Variants in TRIM2 observed in about 807,000 individuals in gnomAD.
TRIM2 encodes tripartite motif-containing protein 2.
A neutral mutation model predicts 75.2 loss-of-function variants in TRIM2; 20 were observed. That is an observed-to-expected ratio of 0.27 (90% CI 0.19 to 0.39). TRIM2 has a LOEUF of 0.39. Among genes scored for constraint, TRIM2 ranks in the 10% least tolerant of loss-of-function variants. The probability of loss-of-function intolerance (pLI) is 1.00; values close to 1 mark genes in which losing one functional copy is unlikely to be tolerated. For synonymous variants in TRIM2, 373 were observed against 388.3 expected, an observed-to-expected ratio of 0.96 and a Z score of 0.46; for missense variants, 660 against 990.8, an observed-to-expected ratio of 0.67 and a Z score of 4.48.
chr4:153,199,883 C>T (rs561361528), upstream of TRIM2, among the ~76,000 whole-genome samples: 1 of 152,132 alleles, frequency 6.6e-6, no homozygotes, highest in East Asian at 1.9e-4. Context: ...AAGTGATCCT[C>T]CCGCCTCAGC....
chr4:153,196,341 G>A (rs987637379), intron 1 of TRIM2, among the ~76,000 whole-genome samples: 3 of 152,076 alleles, frequency 2.0e-5, no homozygotes, highest in Non-Finnish European at 4.4e-5. Context: ...GGAAGTTGAG[G>A]CGGGAGGATT....
At chr4:153,153,943 T>A (rs778024015) in intron 1 of TRIM2, among the ~76,000 whole-genome samples, 79 of 152,244 alleles carry the variant, frequency 5.2e-4, no homozygotes, top group Non-Finnish European at 9.4e-4. Context: ...CTCAATTCCC[T>A]CCTTTCTCCC....
At position 153,276,160 on chromosome 4, in the gene TRIM2, G is replaced by A. The variant is rs780171741; in HGVS notation, c.453+30G>A. On this transcript the variant is annotated intron_variant, in intron 3 of 11. Transcript: ENST00000338700. ...GTGGCTGGGATGGCAGATACTGCCC[G>A]GGAGCATGACTACTGTGGCCTTGGG... The A allele has an allele frequency of 1.5e-5, 23 of 1,582,718 alleles. No homozygotes were observed. In the East Asian group the frequency reaches 1.6e-4, roughly 11 times the overall value.
At chr4:153,231,628 G>A (rs1743646133) in intron 1 of TRIM2, among the ~76,000 whole-genome samples, 1 of 152,176 alleles carries the variant, frequency 6.6e-6, no homozygotes, top group Non-Finnish European at 1.5e-5. Context: ...GTGCCTATTG[G>A]AGAAATACAG....
At chr4:153,271,277 A>G (rs1756610509) in intron 2 of TRIM2, among the ~76,000 whole-genome samples, 2 of 152,218 alleles carry the variant, frequency 1.3e-5, no homozygotes, top group African/African-American at 4.8e-5. Flanking sequence ...TGTGTTTTAT[A>G]GCATTTTGTT....
At chr4:153,272,457 C>T (rs1026411194) in intron 2 of TRIM2, among the ~76,000 whole-genome samples, 5 of 148,648 alleles carry the variant, frequency 3.4e-5, no homozygotes, top group African/African-American at 7.5e-5. Context: ...CAGATTTCCT[C>T]TTCTTTTATT....
At position 153,294,569 on chromosome 4, in the gene TRIM2, G is replaced by T. The variant is rs1305023641; in HGVS notation, c.786+84G>T. On this transcript the variant is annotated intron_variant, in intron 5 of 11. Transcript: ENST00000338700. The stretch of plus-strand genomic sequence containing the variant: ...TTATTGTTTCCTAATAGCAACAAGG[G>T]GTCCTTAAGTGTCATCATTGTATAG... 2.9e-6 allele frequency: 4 copies of T among 1,389,784 alleles called. No homozygotes were observed. The Admixed American group carries it at 8.6e-5, about 30-fold the overall frequency. 86.1% of individuals were successfully genotyped at this position (1,389,784 alleles called of 1,614,324 possible). A position where few individuals can be genotyped will look rare whatever the true frequency, so the allele number is the denominator to read the frequency against.
intron 1 of TRIM2, among the ~76,000 whole-genome samples, chr4:153,162,359 A>C (rs1362025200): frequency 6.6e-6 from 1 of 152,220 alleles, no homozygotes; most frequent in Non-Finnish European, 1.5e-5. Flanking sequence ...AGCATGCTAG[A>C]GACCCAAGGA....
chr4:153,273,442 ATT>A lies in TRIM2; in HGVS notation c.216-2428_216-2427del, dbSNP rs11459214. 1.8e-3 allele frequency among the ~76,000 whole-genome samples: 139 copies of A among 77,634 alleles called. 1 individual carries two copies. The highest frequency in any genetic ancestry group is 9.0e-3 in the African/African-American group (117 of 12,958). 50.9% of individuals were successfully genotyped at this position (77,634 alleles called of 152,430 possible). A position where few individuals can be genotyped will look rare whatever the true frequency, so the allele number is the denominator to read the frequency against. ...AGGCGCCCGCCACCACGCCCGGCTA[ATT>A]TTTTTTTTTTTTTTTTTTTTTTGTA... On this transcript the variant is annotated intron_variant, in intron 2 of 11. Transcript: ENST00000338700.
At chr4:153,273,270 CTTTTTT>C (rs72414117) in intron 2 of TRIM2, among the ~76,000 whole-genome samples, 7,892 of 57,678 alleles carry the variant, frequency 0.14, 454 homozygotes, top group Middle Eastern at 0.26. Context: ...TACAGTCACT[CTTTTTT>C]TTTTTTTTTT....
At chr4:153,279,464 C>CAAATAAAT (rs57619787) in intron 3 of TRIM2, among the ~76,000 whole-genome samples, 224 of 151,582 alleles carry the variant, frequency 1.5e-3, no homozygotes, top group African/African-American at 5.2e-3. Flanking sequence ...ATTATTTAAT[C>CAAATAAAT]AATAGAAAAT....
In TRIM2 at chr4:153,330,672, T is replaced by A. The variant is rs143777447; in HGVS notation, c.2163+2002T>A. On this transcript the variant is annotated intron_variant, in intron 11 of 11. Transcript: ENST00000338700. ...TGAAAAATCATTTGACAAAATTTAA[T>A]ACCCATTCATGACAAAACTCTCAGA... is the stretch of plus-strand genomic sequence containing the variant. 2.0e-3 allele frequency among the ~76,000 whole-genome samples: 305 copies of A among 152,326 alleles called. 1 individual carries two copies. The highest frequency in any genetic ancestry group is 7.0e-3 in the African/African-American group (292 of 41,582).
At chr4:153,240,041 C>T (rs1454962138) in intron 1 of TRIM2, among the ~76,000 whole-genome samples, 4 of 151,846 alleles carry the variant, frequency 2.6e-5, no homozygotes. Flanking sequence ...ACCATGTTGC[C>T]CAGGCTGGTC....
At chr4:153,207,717 G>C (rs981578156) in intron 1 of TRIM2, among the ~76,000 whole-genome samples, 2 of 152,148 alleles carry the variant, frequency 1.3e-5, no homozygotes, top group African/African-American at 2.4e-5. Flanking sequence ...AAAGAAGGGC[G>C]GGCTGGACAT....
At chr4:153,253,345 C>T (rs1312120864) in intron 1 of TRIM2, among the ~76,000 whole-genome samples, 1 of 152,094 alleles carries the variant, frequency 6.6e-6, no homozygotes, top group Non-Finnish European at 1.5e-5. Context: ...GCAGGTTTGG[C>T]ATCCCTACAC....
chr4:153,222,068 GGAAAGAAAGAGAGAGA>G (rs1740689896), intron 1 of TRIM2, among the ~76,000 whole-genome samples: 9 of 66,898 alleles, frequency 1.3e-4, no homozygotes, highest in East Asian at 1.9e-3. Flanking sequence ...AAGGAAGGAA[GGAAAGAAAGAGAGAGA>G]GAGGAAGGGT....
intron 1 of TRIM2, among the ~76,000 whole-genome samples, chr4:153,206,389 T>A (rs1328783975): frequency 1.3e-5 from 2 of 152,226 alleles, no homozygotes; most frequent in Non-Finnish European, 2.9e-5. Flanking sequence ...TTTGTTAGCA[T>A]AGCTCACGGA....
chr4:153,305,316 A>G (rs1301998287), intron 6 of TRIM2, among the ~76,000 whole-genome samples: 2 of 152,244 alleles, frequency 1.3e-5, no homozygotes, highest in Non-Finnish European at 2.9e-5. Context: ...AACACCAAAA[A>G]AAGCTTGGAA....
chr4:153,334,869 T>C lies in TRIM2; in HGVS notation c.2219T>C (p.Leu740Pro), dbSNP rs1772266536. ...LSYINTSADP[L>P]YGPQGLALTS... ...TACATTAACACATCTGCTGACCCACTCTATGGCCCCCAAGGCCTGGCCCTA... is the reference window on the plus strand; with the variant it reads ...TACATTAACACATCTGCTGACCCACCCTATGGCCCCCAAGGCCTGGCCCTA... The change falls in exon 12 of 12, where the codon CTC (leucine) becomes CCC (proline). Residue 740 changes from leucine to proline, a missense_variant. Transcript: ENST00000338700. 6.2e-7 allele frequency: 1 copy of C among 1,613,970 alleles called. No individual in the cohort carries two copies. Among genetic ancestry groups the C allele is most frequent in the Non-Finnish European group, 8.5e-7 (1 of 1,179,964 alleles).
Sources: gnomAD v4.1 joint callset for allele counts (sites outside exome capture counted in the v4.1 genomes callset) on GRCh38, gnomAD v4.1.1 for gene constraint, MANE v1.5 for transcripts, NCBI Gene and HGNC (gene_info 2026-07-23, HGNC 2026-07-21) for gene names.